The following VIT variants were observed in gnomAD, a reference collection of about 807,000 sequenced individuals.
The protein encoded by VIT is vitrin.
Under a neutral mutation model 78.0 loss-of-function variants are expected in VIT, and 99 were observed. The observed-to-expected ratio is 1.27, with a 90% confidence interval of 1.08 to 1.50. The LOEUF (loss-of-function observed/expected upper bound fraction) is 1.50. VIT is among the 40% of genes most tolerant of loss of function. VIT has a pLI of 0.00. For synonymous variants in VIT, 374 were observed against 334.3 expected, an observed-to-expected ratio of 1.12 and a Z score of -1.29; for missense variants, 1,126 against 875.3, an observed-to-expected ratio of 1.29 and a Z score of -3.61.
intron 13 of VIT, among the ~76,000 whole-genome samples, chr2:36,803,622 T>C (rs1429442697): frequency 1.3e-5 from 2 of 152,232 alleles, no homozygotes; most frequent in Non-Finnish European, 2.9e-5. Flanking sequence ...AGCAAGTGGG[T>C]TCTGTGCAGC....
chr2:36,723,813 C>T (rs934377494), intron 2 of VIT, among the ~76,000 whole-genome samples: 4 of 151,780 alleles, frequency 2.6e-5, no homozygotes, highest in African/African-American at 7.3e-5. Flanking sequence ...TAGCCAGGCA[C>T]GGTGGCACAC....
Position 36,743,202 on chromosome 2 carries a change from A to G in VIT, c.221A>G (p.Tyr74Cys). Residue 74 changes from tyrosine to cysteine, a missense_variant, in exon 4 of 16, where the codon TAT becomes TGT. Physicochemically the swap from Tyr to Cys is radical, Grantham distance 194 (BLOSUM62 -2). Coordinates refer to ENST00000379242, the MANE Select transcript of VIT (RefSeq NM_053276.4). ...TGCCAAGACCCCAAATACCATGTTT[A>G]TGGCACTGACGTGTATGCATCCTAC... Reference protein sequence around the residue: ...AGCQDPKYHVYGTDVYASYSS... With the variant: ...AGCQDPKYHVCGTDVYASYSS... The G allele has an allele frequency of 6.2e-7, 1 of 1,614,088 alleles. No homozygotes were observed. Among genetic ancestry groups the G allele is most frequent in the Non-Finnish European group, 8.5e-7 (1 of 1,179,954 alleles).
chr2:36,776,175 C>T (rs1273172618), intron 9 of VIT, among the ~76,000 whole-genome samples: 1 of 152,192 alleles, frequency 6.6e-6, no homozygotes, highest in African/African-American at 2.4e-5. Context: ...ACGTAACTAT[C>T]CAGAACTTCA....
intron 15 of VIT, among the ~76,000 whole-genome samples, chr2:36,813,689 CT>C (rs1259590777): frequency 2.0e-5 from 3 of 152,284 alleles, no homozygotes; most frequent in Admixed American, 6.5e-5. Flanking sequence ...TTCCATTCCA[CT>C]GTTTTAGTTT....
At chr2:36,782,657 G>T (rs1210230149) in intron 10 of VIT, among the ~76,000 whole-genome samples, 4 of 152,092 alleles carry the variant, frequency 2.6e-5, no homozygotes, top group African/African-American at 9.7e-5. Flanking sequence ...TCTTTAAATG[G>T]TATATTTATG....
intron 12 of VIT, among the ~76,000 whole-genome samples, chr2:36,796,110 T>TA (rs149375506): frequency 2.2e-3 from 313 of 141,274 alleles, no homozygotes; most frequent in South Asian, 3.1e-3. Context: ...CATGACTGAT[T>TA]AAAAAAAAAA....
chr2:36,757,381 A>T (rs936433581), intron 5 of VIT, among the ~76,000 whole-genome samples: 1 of 151,894 alleles, frequency 6.6e-6, no homozygotes, highest in Non-Finnish European at 1.5e-5. Context: ...TCAGTGAGGG[A>T]CCCCCTAATA....
At chr2:36,757,614 GGACTTGGAAAT>G (rs1558544627) in intron 5 of VIT, among the ~76,000 whole-genome samples, 1 of 152,202 alleles carries the variant, frequency 6.6e-6, no homozygotes, top group Non-Finnish European at 1.5e-5. Context: ...CATTGGTGGA[GGACTTGGAAAT>G]GCCAGTCCTG....
At chr2:36,720,653 C>T (rs11124533) in intron 2 of VIT, among the ~76,000 whole-genome samples, 77 of 152,090 alleles carry the variant, frequency 5.1e-4, no homozygotes, top group African/African-American at 1.5e-3. Flanking sequence ...GGAAGCAGAA[C>T]GTAGAACAAT....
At chr2:36,783,578 T>C (rs1432485844) in intron 11 of VIT, among the ~76,000 whole-genome samples, 176 bp downstream of exon 11, 1 of 152,206 alleles carries the variant, frequency 6.6e-6, no homozygotes, top group African/African-American at 2.4e-5. Context: ...ATATAAACTG[T>C]CTATGTGCAT....
intron 2 of VIT, among the ~76,000 whole-genome samples, chr2:36,725,221 T>C (rs1167772061): frequency 6.6e-6 from 1 of 152,206 alleles, no homozygotes; most frequent in South Asian, 2.1e-4. Context: ...GAATTGGAGA[T>C]AATTCAATGG....
chr2:36,801,537 G>A, intron 13 of VIT, 133 bp downstream of exon 13: 1 of 796,274 alleles, frequency 1.3e-6, no homozygotes, highest in Non-Finnish European at 2.0e-6. Context: ...GTCGGGCGTG[G>A]TGGTTCACAC....
At chr2:36,714,078 G>T (rs1351521143) in intron 1 of VIT, among the ~76,000 whole-genome samples, 1 of 152,180 alleles carries the variant, frequency 6.6e-6, no homozygotes, top group Admixed American at 6.5e-5. Context: ...CCTTAATTGG[G>T]AAATTTAACA....
At chr2:36,755,135 T>C in intron 5 of VIT, 81 bp downstream of exon 5, 2 of 1,421,760 alleles carry the variant, frequency 1.4e-6, no homozygotes, top group Non-Finnish European at 1.9e-6. Flanking sequence ...TTGGTTTTTG[T>C]TTATGGCCCA....
Position 36,801,295 on chromosome 2 carries a change from C to G in VIT, c.1059-6C>G. ...CTAATTTGTATTTCTTGTTCTGACT[C>G]TTCAGAGACAACCCTGCTACTCACT... is the stretch of plus-strand genomic sequence containing the variant. On this transcript the variant is annotated splice_polypyrimidine_tract_variant and splice_region_variant and intron_variant, in intron 12 of 15. Coordinates refer to ENST00000379242, the MANE Select transcript of VIT (RefSeq NM_053276.4). 1 of 1,612,432 alleles carries G rather than the reference C, an allele frequency of 6.2e-7. No homozygotes were observed. Among genetic ancestry groups the G allele is most frequent in the South Asian group, 1.1e-5 (1 of 91,002 alleles).
intron 4 of VIT, among the ~76,000 whole-genome samples, chr2:36,744,916 C>G (rs975477184): frequency 1.3e-4 from 20 of 152,122 alleles, no homozygotes; most frequent in Non-Finnish European, 2.8e-4. Context: ...AGGGTATTTC[C>G]TAGGTTTTCT....
intron 12 of VIT, among the ~76,000 whole-genome samples, chr2:36,795,881 C>T (rs1665861081): frequency 6.6e-6 from 1 of 152,068 alleles, no homozygotes; most frequent in African/African-American, 2.4e-5. Context: ...TTGTGGCTTG[C>T]AGAGAAAACA....
rs544776290 is a variant in VIT at position 36,778,804 on chromosome 2, C to T, written c.803-2923C>T. Among the ~76,000 whole-genome samples, 50 of 152,302 alleles carry T rather than the reference C, an allele frequency of 3.3e-4. 1 individual carries two copies. The South Asian group carries it at 7.2e-3, about 22-fold the overall frequency. On this transcript the variant is annotated intron_variant, in intron 9 of 15. Coordinates refer to ENST00000379242, the MANE Select transcript of VIT (RefSeq NM_053276.4). Reference sequence around the variant, plus strand: ...AAAGTGCAGCCCTTGGGACATGAAGCCAGGTGAAGGGAAGGGAAGCCTAGA... The same window carrying T: ...AAAGTGCAGCCCTTGGGACATGAAGTCAGGTGAAGGGAAGGGAAGCCTAGA...
intron 2 of VIT, among the ~76,000 whole-genome samples, chr2:36,725,438 CACA>C (rs886849440): frequency 5.9e-5 from 9 of 152,040 alleles, no homozygotes; most frequent in Non-Finnish European, 1.0e-4. Context: ...GCTGTGTCCT[CACA>C]TGACAGAAGA....
Sources: allele counts gnomAD v4.1 joint callset (sites outside exome capture counted in the v4.1 genomes callset), GRCh38; gene constraint gnomAD v4.1.1; transcripts MANE v1.5; gene names NCBI Gene and HGNC (gene_info 2026-07-23, HGNC 2026-07-21).